LDLRAD4: variants seen among roughly 807,000 people sequenced by gnomAD.
LDLRAD4 encodes the protein low-density lipoprotein receptor class A domain-containing protein 4.
Under a neutral mutation model 17.0 loss-of-function variants are expected in LDLRAD4, and 5 were observed. That is an observed-to-expected ratio of 0.29 (90% confidence interval 0.15 to 0.62). The LOEUF (loss-of-function observed/expected upper bound fraction) is 0.62, where lower values mean the gene tolerates loss of function less well. Ranked by LOEUF, LDLRAD4 falls within the 20% of genes least tolerant of loss-of-function variation. LDLRAD4 has a pLI of 0.84. For synonymous variants in LDLRAD4, 168 were observed against 171.8 expected, an observed-to-expected ratio of 0.98 and a Z score of 0.17; for missense variants, 340 against 424.7, an observed-to-expected ratio of 0.80 and a Z score of 1.75.
Position 13,644,993 on chromosome 18 carries a change from CTT to C in LDLRAD4, c.391-124_391-123del, listed in dbSNP as rs11357998. ...TTCTGGAATTGGATTTTCCTGTTTT[CTT>C]TTTTTTTTTCCTGGGAGATGGTGTT... On this transcript the variant is annotated intron_variant, in intron 5 of 5. Transcript: ENST00000359446. 1,417 of 594,492 alleles carry C rather than the reference CTT, an allele frequency of 2.4e-3. 1 individual carries two copies. The highest frequency in any genetic ancestry group is 5.1e-3 in the South Asian group (198 of 38,894). 36.8% of individuals were successfully genotyped at this position (594,492 alleles called of 1,614,324 possible).
intron 3 of LDLRAD4, among the ~76,000 whole-genome samples, chr18:13,588,602 T>TC (rs1707812406): frequency 6.6e-6 from 1 of 152,112 alleles, no homozygotes; most frequent in Non-Finnish European, 1.5e-5. Flanking sequence ...GGTTGTTACC[T>TC]CACCAAGCGA....
intron 3 of LDLRAD4, among the ~76,000 whole-genome samples, chr18:13,448,686 G>A (rs1161345448): frequency 1.3e-5 from 2 of 152,010 alleles, no homozygotes; most frequent in African/African-American, 4.8e-5. Flanking sequence ...GGGAGGTGAC[G>A]CAGCAGCTTG....
chr18:13,421,915 C>T (rs573486642), intron 2 of LDLRAD4, among the ~76,000 whole-genome samples: 3 of 152,216 alleles, frequency 2.0e-5, no homozygotes, highest in African/African-American at 4.8e-5. Flanking sequence ...GGGCCCCTGC[C>T]GTGCCTATGC....
intron 3 of LDLRAD4, among the ~76,000 whole-genome samples, chr18:13,441,025 C>T (rs1309569758): frequency 6.6e-6 from 1 of 152,284 alleles, no homozygotes; most frequent in East Asian, 1.9e-4. Flanking sequence ...ACGCTCACGG[C>T]GCGGGTTGCC....
chr18:13,409,790 T>C (rs1179244239), intron 2 of LDLRAD4, among the ~76,000 whole-genome samples: 1 of 152,162 alleles, frequency 6.6e-6, no homozygotes, highest in African/African-American at 2.4e-5. Context: ...ATGCTGTAGG[T>C]GAGACCTGAT....
At chr18:13,352,111 T>C (rs1054019091) in intron 1 of LDLRAD4, among the ~76,000 whole-genome samples, 3 of 152,146 alleles carry the variant, frequency 2.0e-5, no homozygotes, top group Admixed American at 6.5e-5. Flanking sequence ...ATGTAACATA[T>C]CTCAAAATAA....
exon 6 of LDLRAD4, chr18:13,649,503 C>G (rs990527187): frequency 6.6e-6 from 1 of 152,286 alleles, no homozygotes; most frequent in African/African-American, 2.4e-5. Flanking sequence ...TAGAGAGACA[C>G]CCGGCACCCA....
chr18:13,489,200 G>T (rs111478535), intron 3 of LDLRAD4: 29,454 of 148,986 alleles, frequency 0.2, 3,285 homozygotes, highest in Middle Eastern at 0.27. Flanking sequence ...TGTTGCCCAG[G>T]CTGGAGTGCA....
chr18:13,649,974 A>T (rs1468101733), exon 6 of LDLRAD4: 1 of 397,974 alleles, frequency 2.5e-6, no homozygotes, highest in Non-Finnish European at 4.4e-6. Context: ...TCTTGGTGCG[A>T]GGAAAGTCAC....
intron 3 of LDLRAD4, among the ~76,000 whole-genome samples, chr18:13,570,282 G>A (rs551836903): frequency 2.0e-5 from 3 of 152,316 alleles, no homozygotes; most frequent in Admixed American, 6.5e-5. Context: ...CCCTTCTGTG[G>A]GTAGTGGTTT....
Position 13,311,441 on chromosome 18 carries a change from G to A in LDLRAD4, c.-383+33253G>A, listed in dbSNP as rs2047226841. ...GGCTTGGCTTCTGCCACACTCCCAG[G>A]GACTGCTAAGGAGTCGCTTTCCAGC... is the stretch of plus-strand genomic sequence containing the variant. On this transcript the variant is annotated intron_variant, in intron 1 of 5. Transcript: ENST00000359446. Among the ~76,000 whole-genome samples the A allele has an allele frequency of 5.9e-5, 9 of 152,190 alleles. No homozygotes were observed. In the South Asian group the frequency reaches 1.7e-3, roughly 28 times the overall value.
chr18:13,295,512 A>G (rs1241323284), intron 1 of LDLRAD4, among the ~76,000 whole-genome samples: 1 of 152,226 alleles, frequency 6.6e-6, no homozygotes, highest in African/African-American at 2.4e-5. Flanking sequence ...TACTAATAAC[A>G]TCAAACATAT....
intron 1 of LDLRAD4, among the ~76,000 whole-genome samples, chr18:13,315,560 G>A (rs1295393299): frequency 1.3e-5 from 2 of 152,234 alleles, no homozygotes; most frequent in East Asian, 3.9e-4. Flanking sequence ...CGAGGCGGGA[G>A]GATCACCTGA....
intron 1 of LDLRAD4, among the ~76,000 whole-genome samples, chr18:13,375,186 C>T (rs766050275): frequency 9.9e-5 from 15 of 152,262 alleles, no homozygotes; most frequent in East Asian, 1.9e-4. Context: ...GCCAGGGGTC[C>T]GTGCAGCTCT....
intron 1 of LDLRAD4, among the ~76,000 whole-genome samples, chr18:13,264,250 C>T (rs967748261): frequency 2.6e-5 from 4 of 152,232 alleles, no homozygotes; most frequent in Admixed American, 2.6e-4. Context: ...GTGGCCCTGC[C>T]AGGCGGCTGC....
At chr18:13,378,469 C>T (rs2085093680) in intron 1 of LDLRAD4, among the ~76,000 whole-genome samples, 2 of 152,148 alleles carry the variant, frequency 1.3e-5, no homozygotes, top group South Asian at 4.1e-4. Flanking sequence ...AGGGAACAAA[C>T]CACACAAGAA....
intron 1 of LDLRAD4, among the ~76,000 whole-genome samples, chr18:13,259,773 C>T (rs1430200191): frequency 1.3e-5 from 2 of 152,118 alleles, no homozygotes; most frequent in African/African-American, 2.4e-5. Context: ...TACAGCCACC[C>T]ACGGCTGCTT....
Position 13,221,485 on chromosome 18 carries a change from T to C in LDLRAD4, c.-467+2497T>C, listed in dbSNP as rs536608171. ...GGAAGATGAGTCTTAAGTTTCAAAA[T>C]AGGAATGCAAAGGTTCTGTCTACTA... On this transcript the variant is annotated intron_variant, in intron 1 of 5. Coordinates refer to the LDLRAD4 transcript ENST00000399848. 2.6e-5 allele frequency among the ~76,000 whole-genome samples: 4 copies of C among 152,330 alleles called. No individual in the cohort carries two copies. In the South Asian group the frequency reaches 6.2e-4, roughly 24 times the overall value.
At chr18:13,439,936 C>A (rs770220410) in intron 3 of LDLRAD4, among the ~76,000 whole-genome samples, 4 of 152,212 alleles carry the variant, frequency 2.6e-5, no homozygotes, top group African/African-American at 4.8e-5. Flanking sequence ...ATTGGAGTAT[C>A]ACACAGGACA....
Sources: allele counts gnomAD v4.1 joint callset (sites outside exome capture counted in the v4.1 genomes callset), GRCh38; gene constraint gnomAD v4.1.1; transcripts MANE v1.5; gene names NCBI Gene and HGNC (gene_info 2026-07-23, HGNC 2026-07-21).